The following OR2I1 variants were observed in gnomAD, a reference collection of about 807,000 sequenced individuals.
OR2I1 encodes olfactory receptor family 2 subfamily I member 1 (gene/pseudogene).
chr6:29,553,853 C>T, the OR2I1 span: 2 of 398,722 alleles, frequency 5.0e-6, no homozygotes, highest in African/African-American at 2.1e-5. Flanking sequence ...CTGCCGTTTG[C>T]CGTCATCCTG....
At chr6:29,556,696 C>A in the OR2I1 span, 1 of 240,654 alleles carries the variant, frequency 4.2e-6, no homozygotes, top group African/African-American at 2.3e-5. Context: ...GTGGCTTACA[C>A]CTGTAATCCC....
the OR2I1 span, chr6:29,556,910 T>C: frequency 1.2e-4 from 18 of 154,030 alleles, no homozygotes; most frequent in Admixed American, 3.8e-4. Context: ...TGAGTGGAGA[T>C]GGCACTACTG....
At chr6:29,553,543 G>A in the OR2I1 span, 2 of 398,354 alleles carry the variant, frequency 5.0e-6, no homozygotes, top group Non-Finnish European at 8.9e-6. Context: ...TCTGGGTTCC[G>A]CCGAATGCGT....
At chr6:29,555,259 A>T in the OR2I1 span, 1 of 152,356 alleles carries the variant, frequency 6.6e-6, no homozygotes, top group African/African-American at 2.4e-5. Context: ...AGACATAGAG[A>T]ATAAAAGGGG....
chr6:29,554,781 G>A, the OR2I1 span: 1 of 152,150 alleles, frequency 6.6e-6, no homozygotes, highest in Non-Finnish European at 1.5e-5. Context: ...GTGGAAGAAG[G>A]CGGGCACGTC....
At chr6:29,556,041 C>T in the OR2I1 span, 2 of 1,613,114 alleles carry the variant, frequency 1.2e-6, no homozygotes, top group Non-Finnish European at 1.7e-6. Context: ...TTCACTTGTG[C>T]CACTGAGCTG....
the OR2I1 span, chr6:29,556,007 C>A: frequency 1.2e-6 from 2 of 1,613,084 alleles, no homozygotes; most frequent in Non-Finnish European, 1.7e-6. Flanking sequence ...AGGGATTATA[C>A]CCGTCTTAGT....
At chr6:29,557,224 C>T in the OR2I1 span, 1 of 152,152 alleles carries the variant, frequency 6.6e-6, no homozygotes, top group Admixed American at 6.5e-5. Flanking sequence ...TCTCTAGCAG[C>T]TAAACAAGCA....
the OR2I1 span, chr6:29,554,340 G>A: frequency 7.7e-6 from 3 of 387,104 alleles, no homozygotes; most frequent in East Asian, 3.6e-5. Flanking sequence ...AGTTCTTGAG[G>A]GAAAATCCCT....
the OR2I1 span, chr6:29,554,674 T>C: frequency 6.6e-6 from 1 of 152,146 alleles, no homozygotes; most frequent in South Asian, 2.1e-4. Flanking sequence ...AGCCCATAAA[T>C]GGTGGTGAAT....
At chr6:29,552,752 T>C in the OR2I1 span, 5 of 152,788 alleles carry the variant, frequency 3.3e-5, no homozygotes, top group East Asian at 1.9e-4. Context: ...ACTAATTACG[T>C]TTTTGTTGGC....
the OR2I1 span, chr6:29,553,670 G>T: frequency 2.5e-6 from 1 of 398,518 alleles, no homozygotes. Context: ...TGGCTAAGCG[G>T]CCTCACCAAC....
chr6:29,553,960 G>A, the OR2I1 span: 18 of 398,548 alleles, frequency 4.5e-5, no homozygotes, highest in East Asian at 6.1e-4. Flanking sequence ...CCTGACAGCC[G>A]TCTGCCTGTT....
chr6:29,553,635 A>C, the OR2I1 span: 1 of 398,258 alleles, frequency 2.5e-6, no homozygotes, highest in Non-Finnish European at 4.4e-6. Context: ...CCCCGCGCCT[A>C]TGTCGCACGC....
the OR2I1 span, chr6:29,553,358 T>G: frequency 1.0e-5 from 4 of 399,372 alleles, no homozygotes; most frequent in African/African-American, 8.2e-5. Flanking sequence ...CTGGTGCTGC[T>G]GGCGGTGCGC....
the OR2I1 span, chr6:29,557,042 G>A: frequency 1.3e-5 from 2 of 152,184 alleles, no homozygotes; most frequent in Non-Finnish European, 2.9e-5. Flanking sequence ...TTGCAGTTTA[G>A]ACACAACTGA....
chr6:29,555,551 G>A, the OR2I1 span: 1 of 299,804 alleles, frequency 3.3e-6, no homozygotes, highest in Non-Finnish European at 6.1e-6. Flanking sequence ...TGTCATAAAG[G>A]AAAGGAGATA....
chr6:29,557,707 G>A, the OR2I1 span: 3 of 152,182 alleles, frequency 2.0e-5, no homozygotes, highest in Non-Finnish European at 2.9e-5. Flanking sequence ...AAACTTCCCA[G>A]CCTGTCAGAA....
the OR2I1 span, chr6:29,553,602 G>A: frequency 2.2e-4 from 88 of 398,252 alleles, no homozygotes; most frequent in African/African-American, 1.7e-3. Flanking sequence ...TGTGCCGCCC[G>A]CTGCGCTATG....
Sources: allele counts gnomAD v4.1 joint callset, GRCh38; gene constraint gnomAD v4.1.1; transcripts MANE v1.5; gene names NCBI Gene and HGNC (gene_info 2026-07-23, HGNC 2026-07-21).